Variants in PABPN1L observed in about 807,000 individuals in gnomAD.
PABPN1L encodes the protein PABPN1 like, cytoplasmic.
A neutral mutation model predicts 34.0 loss-of-function variants in PABPN1L; 45 were observed. The ratio of observed to expected loss-of-function variants is 1.32; its 90% CI spans 1.04 to 1.70. PABPN1L has a LOEUF of 1.70. Ranked by LOEUF, PABPN1L falls within the 40% of genes most tolerant of loss-of-function variation. The pLI is 0.00. For synonymous variants in PABPN1L, 182 were observed against 152.1 expected (o/e 1.20, Z -1.45); for missense variants, 459 against 367.8 (o/e 1.25, Z -2.03).
At chr16:88,865,442 C>T in intron 3 of PABPN1L, 121 bp downstream of exon 3, 1 of 1,256,758 alleles carries the variant, frequency 8.0e-7, no homozygotes, top group Non-Finnish European at 1.1e-6. Flanking sequence ...GGTGACGGGG[C>T]TGCCCCCAGG....
exon 4 of PABPN1L, chr16:88,865,083 G>T (rs148432784): frequency 4.2e-5 from 67 of 1,592,144 alleles, no homozygotes; most frequent in Non-Finnish European, 5.0e-5. Context: ...TCCCCACAGC[G>T]GCTGAAGTGG....
At chr16:88,864,767 AG>A in intron 5 of PABPN1L, 85 bp downstream of exon 5, 1 of 1,384,544 alleles carries the variant, frequency 7.2e-7, no homozygotes, top group Non-Finnish European at 1.0e-6. Flanking sequence ...TGCAGAGAGG[AG>A]CCAGCTGGGG....
upstream of PABPN1L, among the ~76,000 whole-genome samples, chr16:88,867,754 G>A (rs367664371): frequency 6.6e-6 from 1 of 152,214 alleles, no homozygotes; most frequent in Non-Finnish European, 1.5e-5. Context: ...CCGCCCTTGC[G>A]CCTCCCTCTG....
chr16:88,863,533 A>G (rs1390430889), exon 7 of PABPN1L: 3 of 644,854 alleles, frequency 4.7e-6, no homozygotes, highest in Admixed American at 2.3e-5. Flanking sequence ...CAGGCTCACC[A>G]CCGGGCCGTG....
chr16:88,868,055 A>G (rs975038130), upstream of PABPN1L, among the ~76,000 whole-genome samples: 1 of 152,138 alleles, frequency 6.6e-6, no homozygotes. Flanking sequence ...CTGCTGCACC[A>G]TGCACCACCC....
At chr16:88,863,628 G>A in exon 7 of PABPN1L, 1 of 1,217,626 alleles carries the variant, frequency 8.2e-7, no homozygotes, top group Non-Finnish European at 1.2e-6. Flanking sequence ...GGGGCCAGTG[G>A]CTGCTCTGGA....
upstream of PABPN1L, among the ~76,000 whole-genome samples, chr16:88,869,383 G>A (rs1481323004): frequency 6.6e-6 from 1 of 152,248 alleles, no homozygotes. Context: ...TGTTCCCCCT[G>A]CGAACACGGT....
exon 7 of PABPN1L, chr16:88,863,432 G>T: frequency 2.0e-6 from 1 of 501,116 alleles, no homozygotes; most frequent in Non-Finnish European, 3.6e-6. Context: ...AGCTGAGCAT[G>T]CCAACCCCAA....
upstream of PABPN1L, among the ~76,000 whole-genome samples, chr16:88,869,384 C>T (rs1296487177): frequency 3.3e-5 from 5 of 152,230 alleles, no homozygotes; most frequent in African/African-American, 7.2e-5. Context: ...GTTCCCCCTG[C>T]GAACACGGTG....
At chr16:88,863,572 C>G (rs1567562791) in exon 7 of PABPN1L, 1 of 785,008 alleles carries the variant, frequency 1.3e-6, no homozygotes, top group Non-Finnish European at 2.1e-6. Flanking sequence ...GGCCTTGGGT[C>G]TGGACCACCA....
chr16:88,863,760 T>C (rs1206000355), exon 7 of PABPN1L: 2 of 1,535,958 alleles, frequency 1.3e-6, no homozygotes, highest in Non-Finnish European at 1.7e-6. Flanking sequence ...TTCCCTTTAA[T>C]ACGGTGAAAA....
At chr16:88,864,097 A>C in intron 6 of PABPN1L, 140 bp downstream of exon 6, 1 of 1,099,536 alleles carries the variant, frequency 9.1e-7, no homozygotes, top group African/African-American at 2.0e-5. Context: ...CAGCTGATGC[A>C]GCAGCCACAG....
intron 3 of PABPN1L, 102 bp from the exon 4 acceptor site, chr16:88,865,230 G>T (rs1190366038): frequency 4.7e-6 from 6 of 1,273,354 alleles, no homozygotes; most frequent in Non-Finnish European, 6.5e-6. Context: ...GGGCCCCGTG[G>T]CGGGGATGGC....
chr16:88,864,520 G>C (rs1434905958), intron 5 of PABPN1L, 141 bp from the exon 6 acceptor site: 1 of 1,252,974 alleles, frequency 8.0e-7, no homozygotes, highest in East Asian at 2.6e-5. Flanking sequence ...CCCTGCCTTT[G>C]CCTACCATAG....
chr16:88,866,359 G>A lies in PABPN1L; in HGVS notation c.248C>T (p.Pro83Leu), dbSNP rs1968593582. 1.3e-6 allele frequency: 2 copies of A among 1,549,908 alleles called. No individual in the cohort carries two copies. The highest frequency in any genetic ancestry group is 2.0e-5 in the Admixed American group (1 of 51,008). Residue 83 changes from proline (P) to leucine (L), a missense_variant, in exon 1 of 7, where the codon CCT becomes CTT. Physicochemically the swap from Pro to Leu is moderately conservative, Grantham distance 98. Coordinates refer to ENST00000419291, the Ensembl canonical transcript of PABPN1L. ...CCTCCACACAGCTGTTACCTGGTCA[G>A]GCAATGGGCACTCAGCCAGGTTCTC...
At chr16:88,865,035 C>T (rs781491976) in exon 4 of PABPN1L, 8 of 1,600,344 alleles carry the variant, frequency 5.0e-6, no homozygotes, top group Non-Finnish European at 6.8e-6. Flanking sequence ...TTGGGGTGTC[C>T]AGAGAACTTG....
At chr16:88,867,989 G>C (rs1019154764), upstream of PABPN1L, among the ~76,000 whole-genome samples, 2 of 152,180 alleles carry the variant, frequency 1.3e-5, no homozygotes, top group Non-Finnish European at 2.9e-5. Context: ...GGATTCCTGG[G>C]AATTTGGGAC....
chr16:88,865,760 T>C (rs370624932), intron 2 of PABPN1L, 46 bp downstream of exon 2: 2 of 1,574,654 alleles, frequency 1.3e-6, no homozygotes, highest in Non-Finnish European at 1.7e-6. Context: ...ATGGAAACTG[T>C]GGGACCCTTG....
Position 88,865,248 on chromosome 16 carries a change from C to T in PABPN1L, c.460-120G>A. 4.8e-6 allele frequency: 5 copies of T among 1,031,158 alleles called. No individual in the cohort carries two copies. The South Asian group carries it at 6.0e-5, about 12-fold the overall frequency. The allele number at this position is 1,031,158 out of a possible 1,614,324, so 63.9% of individuals were successfully genotyped here. ...CCCCGTGGCGGGGATGGCCCCAGGC[C>T]TCCACCCCACACCCCCGCTGGGGTT... On this transcript the variant is annotated intron_variant, in intron 3 of 6. Coordinates refer to ENST00000419291, the Ensembl canonical transcript of PABPN1L.
Sources: gnomAD v4.1 joint callset for allele counts (sites outside exome capture counted in the v4.1 genomes callset) on GRCh38, gnomAD v4.1.1 for gene constraint, MANE v1.5 for transcripts, NCBI Gene and HGNC (gene_info 2026-07-23, HGNC 2026-07-21) for gene names.